The following TENM3 variants were observed in gnomAD, a reference collection of about 807,000 sequenced individuals.
The protein encoded by TENM3 is teneurin transmembrane protein 3.
Under a neutral mutation model 255.1 loss-of-function variants are expected in TENM3, and 63 were observed. The ratio of observed to expected loss-of-function variants is 0.25; its 90% CI spans 0.20 to 0.30. TENM3 has a LOEUF of 0.30. TENM3 is among the 10% of genes least tolerant of loss of function. TENM3 has a pLI of 1.00. For synonymous variants in TENM3, 1,306 were observed against 1,322.3 expected, an observed-to-expected ratio of 0.99 and a Z score of 0.27; for missense variants, 2,929 against 3,461.1, an observed-to-expected ratio of 0.85 and a Z score of 3.86.
At chr4:182,472,599 A>G (rs1284098476) in intron 3 of TENM3, among the ~76,000 whole-genome samples, 2 of 152,184 alleles carry the variant, frequency 1.3e-5, no homozygotes, top group East Asian at 1.9e-4. Context: ...AATTTGATGA[A>G]CTCAATACCC....
At chr4:182,625,573 A>G (rs1376958485) in intron 4 of TENM3, among the ~76,000 whole-genome samples, 1 of 152,196 alleles carries the variant, frequency 6.6e-6, no homozygotes. Flanking sequence ...GCAGTAAAGT[A>G]AGCGAATTGT....
At chr4:181,790,020 T>C in the TENM3 span, among the ~76,000 whole-genome samples, 1 of 152,260 alleles carries the variant, frequency 6.6e-6, no homozygotes, top group Admixed American at 6.5e-5. Flanking sequence ...GAGTGCAATT[T>C]ACAGTGGGTG....
Position 182,790,477 on chromosome 4 carries a change from G to A in TENM3, c.5601+1088G>A, listed in dbSNP as rs754359251. Among the ~76,000 whole-genome samples the A allele has an allele frequency of 5.9e-5, 9 of 152,254 alleles. No individual in the cohort carries two copies. In the South Asian group the frequency reaches 6.2e-4, roughly 11 times the overall value. ...GCCATCCCAACTAATTCCAGCCGGC[G>A]CCTGCACAGGCTACTCTTCCTGAGA... On this transcript the variant is annotated intron_variant, in intron 25 of 27. Transcript: ENST00000511685.
At chr4:181,856,414 C>G in the TENM3 span, among the ~76,000 whole-genome samples, 1 of 152,116 alleles carries the variant, frequency 6.6e-6, no homozygotes, top group Non-Finnish European at 1.5e-5. Flanking sequence ...TCAATGACAC[C>G]CCCTTCTTCC....
At chr4:182,137,425 C>T in the TENM3 span, among the ~76,000 whole-genome samples, 1 of 151,978 alleles carries the variant, frequency 6.6e-6, no homozygotes, top group Admixed American at 6.6e-5. Flanking sequence ...AATTGCATGC[C>T]TTTTATGCAG....
At chr4:182,074,100 G>C in the TENM3 span, among the ~76,000 whole-genome samples, 1 of 152,196 alleles carries the variant, frequency 6.6e-6, no homozygotes, top group Non-Finnish European at 1.5e-5. Flanking sequence ...TCCCAGCTCT[G>C]TTATAGGCTG....
intron 3 of TENM3, among the ~76,000 whole-genome samples, chr4:182,524,690 A>G (rs1035610710): frequency 6.6e-6 from 1 of 151,634 alleles, no homozygotes; most frequent in Non-Finnish European, 1.5e-5. Context: ...CCAAACTCAT[A>G]TTTGTAAATC....
intron 12 of TENM3, among the ~76,000 whole-genome samples, chr4:182,693,638 T>C (rs1037329086): frequency 1.3e-5 from 2 of 152,214 alleles, no homozygotes; most frequent in Non-Finnish European, 2.9e-5. Context: ...TTGGGTTTTT[T>C]CGCAATGTAA....
chr4:182,072,196 G>T, the TENM3 span, among the ~76,000 whole-genome samples: 108,070 of 152,046 alleles, frequency 0.71, 39,123 homozygotes, highest in East Asian at 0.87. Flanking sequence ...AGGACTATCT[G>T]GAGTATTTTT....
the TENM3 span, among the ~76,000 whole-genome samples, chr4:181,824,090 T>G: frequency 4.5e-3 from 678 of 152,226 alleles, 5 homozygotes; most frequent in Middle Eastern, 0.017. Context: ...TTTTTCATAT[T>G]TTTCTAATAA....
chr4:182,081,838 A>G, the TENM3 span: 1 of 152,068 alleles, frequency 6.6e-6, no homozygotes, highest in African/African-American at 2.4e-5. Flanking sequence ...TAGGCGAAAA[A>G]AAAAATGTTA....
chr4:182,029,205 G>A, the TENM3 span, among the ~76,000 whole-genome samples: 1 of 151,958 alleles, frequency 6.6e-6, no homozygotes, highest in African/African-American at 2.4e-5. Flanking sequence ...AACAAGCAGG[G>A]GAGGTACTAA....
the TENM3 span, among the ~76,000 whole-genome samples, chr4:181,698,979 T>G: frequency 3.3e-5 from 5 of 152,188 alleles, no homozygotes; most frequent in African/African-American, 4.8e-5. Flanking sequence ...CAGGTGAGAC[T>G]ATTTTGCTGA....
At chr4:182,316,701 CA>C (rs143428950) in intron 1 of TENM3, among the ~76,000 whole-genome samples, 22,328 of 152,148 alleles carry the variant, frequency 0.15, 1,894 homozygotes, top group Middle Eastern at 0.21. Flanking sequence ...GTGGTCTCCT[CA>C]CACACTTGTG....
chr4:182,057,662 A>C, the TENM3 span, among the ~76,000 whole-genome samples: 1 of 152,016 alleles, frequency 6.6e-6, no homozygotes, highest in East Asian at 1.9e-4. Flanking sequence ...TCGCCTCCCA[A>C]GATGCTGGAA....
At chr4:182,554,288 A>T (rs1334199021) in intron 3 of TENM3, among the ~76,000 whole-genome samples, 1 of 152,198 alleles carries the variant, frequency 6.6e-6, no homozygotes, top group East Asian at 1.9e-4. Context: ...GGAAAAATGC[A>T]TGCTTGCCCA....
At chr4:181,590,257 C>T in the TENM3 span, among the ~76,000 whole-genome samples, 1 of 152,182 alleles carries the variant, frequency 6.6e-6, no homozygotes, top group Non-Finnish European at 1.5e-5. Context: ...TATCCCCCAA[C>T]ACAGGCTCCT....
Position 182,729,134 on chromosome 4 carries a change from A to G in TENM3, c.2538A>G (p.Gly846=). Residue 846 remains glycine (G), a synonymous_variant, in exon 14 of 28, where the codon GGA becomes GGG. Transcript: ENST00000511685. The part of the protein sequence containing the change: ...SFYDRISFLI[G]SDSTHVIPGE... ...ATGATCGAATCAGTTTCCTTATAGG[A>G]TCTGATAGCACCCATGTTATACCTG... 1 of 1,614,024 alleles carries G rather than the reference A, an allele frequency of 6.2e-7. No individual in the cohort carries two copies. The highest frequency in any genetic ancestry group is 8.5e-7 in the Non-Finnish European group (1 of 1,179,896).
chr4:181,870,698 CT>C, the TENM3 span, among the ~76,000 whole-genome samples: 1 of 151,970 alleles, frequency 6.6e-6, no homozygotes, highest in Non-Finnish European at 1.5e-5. Flanking sequence ...TTTAAAATAT[CT>C]TTTGGGTAGA....
Sources: allele counts gnomAD v4.1 joint callset (sites outside exome capture counted in the v4.1 genomes callset), GRCh38; gene constraint gnomAD v4.1.1; transcripts MANE v1.5; gene names NCBI Gene and HGNC (gene_info 2026-07-23, HGNC 2026-07-21).